Variants in ATXN10 observed in about 807,000 individuals in gnomAD.
ATXN10 encodes ataxin-10.
In ATXN10, 28 loss-of-function variants were observed where a neutral mutation model predicts 52.9. The ratio of observed to expected loss-of-function variants is 0.53; its 90% CI spans 0.39 to 0.73. ATXN10 has a LOEUF of 0.73. ATXN10 is among the 30% of genes least tolerant of loss of function. ATXN10 has a pLI of 0.00. For missense variants in ATXN10, 565 were observed against 577.0 expected, an observed-to-expected ratio of 0.98 and a Z score of 0.21; for synonymous variants, 226 against 221.5, an observed-to-expected ratio of 1.02 and a Z score of -0.18.
intron 6 of ATXN10, among the ~76,000 whole-genome samples, chr22:45,719,181 T>C (rs1034623771): frequency 8.5e-5 from 13 of 152,274 alleles, no homozygotes; most frequent in Non-Finnish European, 1.6e-4. Flanking sequence ...TTCCTAACCT[T>C]ATTAGAAATG....
chr22:45,752,747 T>G (rs1926027849), intron 9 of ATXN10, among the ~76,000 whole-genome samples: 1 of 152,156 alleles, frequency 6.6e-6, no homozygotes, highest in Non-Finnish European at 1.5e-5. Context: ...CCACTTCTTT[T>G]TTTTTTTTGA....
In ATXN10 at chr22:45,844,668, A is replaced by G. The variant is rs1002132987; in HGVS notation, c.*997A>G. On this transcript the variant is annotated 3_prime_UTR_variant, in exon 12 of 12. Coordinates refer to ENST00000252934, the MANE Select transcript of ATXN10 (RefSeq NM_013236.4). ...TCACTGAATCCAGATCATTCATATC[A>G]TCAACAAAAGCTCTAGGGGGAGGTC... The G allele has an allele frequency of 3.3e-5, 5 of 152,244 alleles. No individual in the cohort carries two copies. Among genetic ancestry groups the G allele is most frequent in the Non-Finnish European group, 5.9e-5 (4 of 68,038 alleles). 9.4% of individuals were successfully genotyped at this position (152,244 alleles called of 1,614,324 possible). A position where few individuals can be genotyped will look rare whatever the true frequency, so the allele number is the denominator to read the frequency against.
rs1384823723 is a variant in ATXN10, at chr22:45,772,927, C to T, written c.1173+32389C>T. Among the ~76,000 whole-genome samples the T allele has an allele frequency of 6.6e-6, 1 of 152,158 alleles. No homozygotes were observed. The highest frequency in any genetic ancestry group is 1.9e-4 in the East Asian group (1 of 5,192). Reference sequence around the variant, plus strand: ...GTACATCCTCCCGTATACTTCAAACCATCTGTAGACTTCTTATAATACCTA... The same window carrying T: ...GTACATCCTCCCGTATACTTCAAACTATCTGTAGACTTCTTATAATACCTA... On this transcript the variant is annotated intron_variant, in intron 9 of 11. Coordinates refer to ENST00000252934, the MANE Select transcript of ATXN10 (RefSeq NM_013236.4). The surrounding 1 kb of genome is among the most constrained non-coding windows in gnomAD (Gnocchi z 4.1).
chr22:45,737,300 A>C (rs927750832), intron 7 of ATXN10, among the ~76,000 whole-genome samples: 1 of 152,194 alleles, frequency 6.6e-6, no homozygotes, highest in African/African-American at 2.4e-5. Context: ...CAAGATGTCC[A>C]GGGTTACCTT....
intron 7 of ATXN10, among the ~76,000 whole-genome samples, chr22:45,730,406 C>A (rs960672404): frequency 2.0e-5 from 3 of 150,272 alleles, no homozygotes; most frequent in Non-Finnish European, 4.4e-5. Context: ...ATTTATTTGT[C>A]CAAATCCCTG....
At chr22:45,794,634 C>T (rs942243803) in intron 9 of ATXN10, among the ~76,000 whole-genome samples, 1 of 152,040 alleles carries the variant, frequency 6.6e-6, no homozygotes, top group Non-Finnish European at 1.5e-5. Flanking sequence ...AACAGGCTTT[C>T]CTTCAGAAAT....
intron 10 of ATXN10, among the ~76,000 whole-genome samples, chr22:45,836,088 GCC>G (rs1929156711): frequency 6.6e-6 from 1 of 152,212 alleles, no homozygotes; most frequent in Non-Finnish European, 1.5e-5. Flanking sequence ...GGAAGAGGGA[GCC>G]AAAATGGGTG....
chr22:45,815,603 G>GCCTT (rs1928433007), intron 10 of ATXN10, among the ~76,000 whole-genome samples: 2 of 140,054 alleles, frequency 1.4e-5, no homozygotes, highest in East Asian at 2.1e-4. Flanking sequence ...CTCCTTCCCT[G>GCCTT]CCTTCCTTCC....
Position 45,805,623 on chromosome 22 carries a change from G to A in ATXN10, c.1174-1336G>A, listed in dbSNP as rs136016. ...CATGTCGTTCAGATTTTCTGACTCC[G>A]TTATAGGAAATGTCCAGAATAGGCA... On this transcript the variant is annotated intron_variant, in intron 9 of 11. Transcript: ENST00000252934. The surrounding 1 kb of genome is among the most constrained non-coding windows in gnomAD (Gnocchi z 4.4). Among the ~76,000 whole-genome samples, 6,818 of 152,202 alleles carry A rather than the reference G, an allele frequency of 0.045. 432 individuals are homozygous for A. Among genetic ancestry groups the A allele is most frequent in the African/African-American group, 0.15 (6,119 of 41,510 alleles).
At chr22:45,746,282 C>T (rs994495692) in intron 9 of ATXN10, among the ~76,000 whole-genome samples, 1 of 149,150 alleles carries the variant, frequency 6.7e-6, no homozygotes, top group South Asian at 2.2e-4. Flanking sequence ...TATCTAGTTG[C>T]AAGGAGCCAA....
In ATXN10 at chr22:45,715,932, A is replaced by C. The variant is rs923689719; in HGVS notation, c.648-2481A>C. ...AAAAGAAATCACAGGCAAATTAGAAAATATTTTGACCTGAAGTACCAAGTT... is the reference window on the plus strand; with the variant it reads ...AAAAGAAATCACAGGCAAATTAGAACATATTTTGACCTGAAGTACCAAGTT... On this transcript the variant is annotated intron_variant, in intron 5 of 11. Transcript: ENST00000252934. This position sits in a 1 kb window ranked among gnomAD's most constrained non-coding sequence, Gnocchi z 4.4. Among the ~76,000 whole-genome samples the C allele has an allele frequency of 5.9e-5, 9 of 152,268 alleles. No individual in the cohort carries two copies. In the East Asian group the frequency reaches 1.5e-3, roughly 26 times the overall value.
chr22:45,703,801 A>G (rs986534373), intron 5 of ATXN10, among the ~76,000 whole-genome samples: 6 of 152,186 alleles, frequency 3.9e-5, no homozygotes, highest in African/African-American at 1.4e-4. Context: ...ATATGCTAAG[A>G]GGGGCAAGGC....
At position 45,727,090 on chromosome 22, in the gene ATXN10, A is replaced by G. The variant is rs1471259521; in HGVS notation, c.729-2335A>G. ...TAGCACTGTAAACTTTCCTTTTAGC[A>G]CTGCTTTTGCTGTATCCCAGAAGTT... On this transcript the variant is annotated intron_variant, in intron 6 of 11. Coordinates refer to ENST00000252934, the MANE Select transcript of ATXN10 (RefSeq NM_013236.4). This position sits in a 1 kb window ranked among gnomAD's most constrained non-coding sequence, Gnocchi z 4.6. Among the ~76,000 whole-genome samples, 1 of 152,056 alleles carries G rather than the reference A, an allele frequency of 6.6e-6. No individual in the cohort carries two copies. The highest frequency in any genetic ancestry group is 1.5e-5 in the Non-Finnish European group (1 of 68,008).
chr22:45,676,917 A>G (rs935242129), intron 1 of ATXN10: 4 of 152,256 alleles, frequency 2.6e-5, no homozygotes, highest in Non-Finnish European at 5.9e-5. Flanking sequence ...AGCTGGGACT[A>G]CAGGTGTACA....
chr22:45,692,164 T>A (rs1373719567), intron 2 of ATXN10, among the ~76,000 whole-genome samples: 1 of 152,260 alleles, frequency 6.6e-6, no homozygotes, highest in Non-Finnish European at 1.5e-5. Flanking sequence ...AACACAAGTT[T>A]ATGTTAATAC....
At chr22:45,741,403 A>G (rs1925528432) in intron 9 of ATXN10, among the ~76,000 whole-genome samples, 1 of 152,206 alleles carries the variant, frequency 6.6e-6, no homozygotes, top group South Asian at 2.1e-4. Context: ...CTGGCTTCTT[A>G]GAAGCCCGTC....
chr22:45,679,244 A>G (rs925535102), intron 1 of ATXN10: 4 of 152,224 alleles, frequency 2.6e-5, no homozygotes, highest in Admixed American at 2.0e-4. Context: ...GGCCTACCAC[A>G]TAATGAGCAT....
intron 10 of ATXN10, among the ~76,000 whole-genome samples, chr22:45,821,979 G>A (rs1467388020): frequency 6.6e-6 from 1 of 152,194 alleles, no homozygotes; most frequent in Non-Finnish European, 1.5e-5. Context: ...CCGCTGGCCT[G>A]ACCAGCACCA....
intron 10 of ATXN10, among the ~76,000 whole-genome samples, chr22:45,810,483 C>G (rs1928244880): frequency 6.6e-6 from 1 of 152,176 alleles, no homozygotes; most frequent in African/African-American, 2.4e-5. Flanking sequence ...TATACCTGTA[C>G]ACACACAGAA....
Sources: allele counts gnomAD v4.1 joint callset (sites outside exome capture counted in the v4.1 genomes callset), GRCh38; gene constraint gnomAD v4.1.1; non-coding constraint Gnocchi (gnomAD v3.1); transcripts MANE v1.5; gene names NCBI Gene and HGNC (gene_info 2026-07-23, HGNC 2026-07-21).